MTUS2: variants seen among roughly 807,000 people sequenced by gnomAD.
The protein encoded by MTUS2 is microtubule-associated tumor suppressor candidate 2.
A neutral mutation model predicts 114.1 loss-of-function variants in MTUS2; 40 were observed. That is an observed-to-expected ratio of 0.35 (90% CI 0.27 to 0.46). MTUS2 has a LOEUF of 0.46. Ranked by LOEUF, MTUS2 falls within the 20% of genes least tolerant of loss-of-function variation. The pLI, the probability that MTUS2 is intolerant of heterozygous loss-of-function variation, is 1.00. For missense variants in MTUS2, 1,679 were observed against 1,705.4 expected, an observed-to-expected ratio of 0.98 and a Z score of 0.27; for synonymous variants, 688 against 672.0, an observed-to-expected ratio of 1.02 and a Z score of -0.37.
At chr13:29,417,974 T>C (rs1257177968) in intron 8 of MTUS2, among the ~76,000 whole-genome samples, 3 of 152,156 alleles carry the variant, frequency 2.0e-5, no homozygotes, top group Non-Finnish European at 2.9e-5. Context: ...TTAGTGGAGT[T>C]GGGGGGTAAC....
chr13:29,382,323 A>G (rs1462258704), intron 8 of MTUS2, among the ~76,000 whole-genome samples: 2 of 152,180 alleles, frequency 1.3e-5, no homozygotes, highest in African/African-American at 2.4e-5. Flanking sequence ...ACAGATAGGC[A>G]GGGAGACTGA....
At chr13:28,947,526 A>G (rs1882594992) in intron 2 of MTUS2, among the ~76,000 whole-genome samples, 1 of 152,194 alleles carries the variant, frequency 6.6e-6, no homozygotes, top group Non-Finnish European at 1.5e-5. Flanking sequence ...CCAAAGCCAC[A>G]TGAGATCTTT....
At chr13:28,856,964 A>G (rs1436273686) in intron 2 of MTUS2, among the ~76,000 whole-genome samples, 1 of 152,180 alleles carries the variant, frequency 6.6e-6, no homozygotes, top group African/African-American at 2.4e-5. Context: ...TGCTAACACA[A>G]CTTCGTAGCC....
intron 2 of MTUS2, among the ~76,000 whole-genome samples, chr13:28,842,806 TG>T (rs1875601854): frequency 6.6e-6 from 1 of 152,196 alleles, no homozygotes; most frequent in Admixed American, 6.5e-5. Context: ...CTTAATGGGA[TG>T]GAATGACTTT....
At chr13:29,319,858 A>C (rs921217520) in intron 6 of MTUS2, among the ~76,000 whole-genome samples, 1 of 152,204 alleles carries the variant, frequency 6.6e-6, no homozygotes, top group Non-Finnish European at 1.5e-5. Flanking sequence ...AAAGCTAAAA[A>C]AAAAATAAGG....
intron 2 of MTUS2, among the ~76,000 whole-genome samples, chr13:28,851,751 C>T (rs4769645): frequency 0.028 from 2,878 of 103,410 alleles, 232 homozygotes; most frequent in East Asian, 0.18. Context: ...TGAGGATCCC[C>T]GAAGTGTCAG....
chr13:29,498,345 A>T, intron 13 of MTUS2, 73 bp from the exon 14 acceptor site: 2 of 1,592,448 alleles, frequency 1.3e-6, no homozygotes, highest in Non-Finnish European at 8.6e-7. Context: ...ATTTAGCTGG[A>T]TTCGTGACAT....
intron 2 of MTUS2, among the ~76,000 whole-genome samples, chr13:28,946,899 C>G (rs1337283476): frequency 3.9e-5 from 6 of 152,116 alleles, no homozygotes; most frequent in Non-Finnish European, 7.3e-5. Context: ...TGAACTATTT[C>G]CATGTAGAAG....
At chr13:28,907,705 A>G (rs993943480) in intron 2 of MTUS2, among the ~76,000 whole-genome samples, 1 of 151,696 alleles carries the variant, frequency 6.6e-6, no homozygotes, top group Non-Finnish European at 1.5e-5. Context: ...AGAGCTAACT[A>G]TCCTAAATAT....
In MTUS2 at chr13:28,924,314, G is replaced by C. The variant is rs188244472; in HGVS notation, c.-243+84464G>C. Among the ~76,000 whole-genome samples the C allele has an allele frequency of 5.3e-5, 8 of 152,302 alleles. No homozygotes were observed. The East Asian group carries it at 1.4e-3, about 26-fold the overall frequency. On this transcript the variant is annotated intron_variant, in intron 2 of 15. Coordinates refer to ENST00000612955, the MANE Select transcript of MTUS2 (RefSeq NM_001033602.4). The stretch of plus-strand genomic sequence containing the variant: ...ACTTAGCATGGAGGAGCAGGGAAAA[G>C]TGAGTCTGTGCCGTTTTATTCAGAA...
chr13:29,376,949 C>G (rs1005979944), intron 8 of MTUS2, among the ~76,000 whole-genome samples: 1 of 11,294 alleles, frequency 8.9e-5, no homozygotes, highest in African/African-American at 1.1e-4. Flanking sequence ...TAACATGAAA[C>G]CACAAATGAA....
chr13:29,293,604 G>A (rs1486631135), intron 6 of MTUS2, among the ~76,000 whole-genome samples: 1 of 152,092 alleles, frequency 6.6e-6, no homozygotes, highest in Non-Finnish European at 1.5e-5. Flanking sequence ...AAACATCCTT[G>A]TTCAAGCAAT....
rs1180792063 is a variant in MTUS2 at position 28,858,321 on chromosome 13, T to C, written c.-243+18471T>C. ...AAACCCATGTCTAAAGAAAAAAGCA[T>C]GGAATTGCAAATTTGTCTTTTTCAC... On this transcript the variant is annotated intron_variant, in intron 2 of 15. Coordinates refer to ENST00000612955, the MANE Select transcript of MTUS2 (RefSeq NM_001033602.4). Among the ~76,000 whole-genome samples, 3 of 152,178 alleles carry C rather than the reference T, an allele frequency of 2.0e-5. No homozygotes were observed. The East Asian group carries it at 5.8e-4, about 29-fold the overall frequency.
At chr13:28,977,191 A>G (rs1490744879) in intron 2 of MTUS2, among the ~76,000 whole-genome samples, 2 of 152,156 alleles carry the variant, frequency 1.3e-5, no homozygotes, top group Admixed American at 1.3e-4. Context: ...AGTTGTAGAT[A>G]CATTTTTCAC....
At chr13:29,012,088 A>G (rs1020228777) in intron 2 of MTUS2, among the ~76,000 whole-genome samples, 1 of 152,182 alleles carries the variant, frequency 6.6e-6, no homozygotes, top group Admixed American at 6.5e-5. Flanking sequence ...CCTGAGGTTT[A>G]TAGCCTGCAG....
intron 5 of MTUS2, among the ~76,000 whole-genome samples, chr13:29,265,321 C>T (rs1897628380): frequency 6.6e-6 from 1 of 152,220 alleles, no homozygotes; most frequent in Non-Finnish European, 1.5e-5. Flanking sequence ...ATTTCACTGT[C>T]CATATCACTA....
chr13:28,858,338 C>CT (rs961684410), intron 2 of MTUS2, among the ~76,000 whole-genome samples: 1 of 152,054 alleles, frequency 6.6e-6, no homozygotes, highest in Non-Finnish European at 1.5e-5. Context: ...GCAAATTTGT[C>CT]TTTTTCACTG....
intron 2 of MTUS2, among the ~76,000 whole-genome samples, chr13:28,942,196 A>G (rs1408318260): frequency 6.6e-6 from 1 of 152,196 alleles, no homozygotes; most frequent in Non-Finnish European, 1.5e-5. Flanking sequence ...TGCACTTCAC[A>G]AACGAGGATA....
rs376958116 is a variant in MTUS2, at chr13:29,428,723, C to T, written c.3118-11260C>T. ...AGAAATAAGGTAGCCAAGGGAACCA[C>T]ATGGAAGTTGTGACAGCTCCCAGCG... On this transcript the variant is annotated intron_variant, in intron 8 of 15. Transcript: ENST00000612955. 29 of 1,550,708 alleles carry T rather than the reference C, an allele frequency of 1.9e-5. No individual in the cohort carries two copies. The African/African-American group carries it at 3.3e-4, about 18-fold the overall frequency.
Sources: gnomAD v4.1 joint callset for allele counts (sites outside exome capture counted in the v4.1 genomes callset) on GRCh38, gnomAD v4.1.1 for gene constraint, MANE v1.5 for transcripts, NCBI Gene and HGNC (gene_info 2026-07-23, HGNC 2026-07-21) for gene names.